Variants in INSL6 observed in about 807,000 individuals in gnomAD.
INSL6 encodes the protein insulin like 6.
A neutral mutation model predicts 9.4 loss-of-function variants in INSL6; 16 were observed. That is an observed-to-expected ratio of 1.70 (90% CI 1.15 to 2.59). The LOEUF is 2.59. Among genes scored for constraint, INSL6 ranks in the 30% most tolerant of loss-of-function variants. INSL6 has a pLI of 0.00. For synonymous variants in INSL6, 154 were observed against 96.9 expected, an observed-to-expected ratio of 1.59 and a Z score of -3.46; for missense variants, 391 against 257.3, an observed-to-expected ratio of 1.52 and a Z score of -3.56.
chr9:5,086,016 TA>T, the INSL6 span: 41 of 812,090 alleles, frequency 5.0e-5, no homozygotes, highest in Non-Finnish European at 8.1e-5. Flanking sequence ...TGATATACTA[TA>T]TACATTTGGA....
chr9:5,129,044 G>A (rs1038940686), intron 3 of INSL6, among the ~76,000 whole-genome samples: 4 of 151,934 alleles, frequency 2.6e-5, no homozygotes, highest in Non-Finnish European at 5.9e-5. Context: ...ATTTGCTATG[G>A]AAGAGTGTTC....
At chr9:5,146,145 G>C (rs534576077) in intron 2 of INSL6, among the ~76,000 whole-genome samples, 1 of 151,158 alleles carries the variant, frequency 6.6e-6, no homozygotes, top group Admixed American at 6.6e-5. Flanking sequence ...CCTTTTTGAT[G>C]ACCTTGAGTG....
At chr9:5,062,887 A>G in the INSL6 span, among the ~76,000 whole-genome samples, 1 of 152,114 alleles carries the variant, frequency 6.6e-6, no homozygotes, top group Non-Finnish European at 1.5e-5. Context: ...TTGCCTTTTC[A>G]TGTCCTTTGA....
the INSL6 span, among the ~76,000 whole-genome samples, chr9:5,105,847 A>G: frequency 6.6e-6 from 1 of 152,230 alleles, no homozygotes; most frequent in African/African-American, 2.4e-5. Flanking sequence ...TGCTGGGAAA[A>G]CTGGCTAGCC....
chr9:5,094,935 T>C, the INSL6 span: 1 of 152,178 alleles, frequency 6.6e-6, no homozygotes, highest in Non-Finnish European at 1.5e-5. Context: ...ATACCTTTTA[T>C]GAAAAAATTT....
At chr9:5,123,231 A>G (rs549941059), downstream of INSL6, 81 of 643,562 alleles carry the variant, frequency 1.3e-4, no homozygotes, top group African/African-American at 1.4e-3. Context: ...ATAGTGGTGA[A>G]GTCAGAGCTT....
intron 2 of INSL6, among the ~76,000 whole-genome samples, chr9:5,138,720 T>G (rs1044887086): frequency 8.9e-5 from 5 of 56,238 alleles, no homozygotes; most frequent in Non-Finnish European, 1.6e-4. Context: ...CCCCAGAACT[T>G]AAACTATAAT....
chr9:5,033,592 T>G, the INSL6 span, among the ~76,000 whole-genome samples: 3 of 152,184 alleles, frequency 2.0e-5, no homozygotes, highest in African/African-American at 7.2e-5. Context: ...TATTCAACAT[T>G]CTTAAAGAAA....
the INSL6 span, among the ~76,000 whole-genome samples, chr9:4,996,350 A>G: frequency 7.9e-4 from 120 of 152,296 alleles, no homozygotes; most frequent in African/African-American, 2.7e-3. Context: ...TGGGAGGCTG[A>G]GACAGGAGAA....
chr9:5,122,253 TACTC>T (rs1471999653), downstream of INSL6, among the ~76,000 whole-genome samples: 2 of 152,152 alleles, frequency 1.3e-5, no homozygotes, highest in African/African-American at 2.4e-5. Context: ...GGAACCATGA[TACTC>T]ACAGTCCACT....
the INSL6 span, among the ~76,000 whole-genome samples, chr9:5,117,273 G>A: frequency 1.3e-5 from 2 of 152,152 alleles, no homozygotes; most frequent in Non-Finnish European, 1.5e-5. Flanking sequence ...TGGACGCCCA[G>A]TACATCATGT....
At chr9:5,013,526 C>G in the INSL6 span, among the ~76,000 whole-genome samples, 1 of 152,306 alleles carries the variant, frequency 6.6e-6, no homozygotes, top group Admixed American at 6.5e-5. Flanking sequence ...AAGCACTGAC[C>G]TATCTGAACC....
intron 2 of INSL6, among the ~76,000 whole-genome samples, chr9:5,148,138 C>T (rs932046974): frequency 6.6e-6 from 1 of 152,130 alleles, no homozygotes; most frequent in Non-Finnish European, 1.5e-5. Flanking sequence ...AGTTTTTATG[C>T]TGATTCTTTC....
chr9:5,090,370 A>C, the INSL6 span: 1 of 1,077,844 alleles, frequency 9.3e-7, no homozygotes, highest in Non-Finnish European at 1.3e-6. Context: ...TAAGTCATTT[A>C]TGTATGATAG....
the INSL6 span, among the ~76,000 whole-genome samples, chr9:5,102,469 C>T: frequency 6.6e-6 from 1 of 152,218 alleles, no homozygotes; most frequent in East Asian, 1.9e-4. Context: ...AAACACTCTT[C>T]AGGATATTAT....
the INSL6 span, chr9:5,054,610 A>G: frequency 1.2e-6 from 2 of 1,612,276 alleles, no homozygotes; most frequent in East Asian, 2.2e-5. This position sits in a 1 kb window ranked among gnomAD's most constrained non-coding sequence, Gnocchi z 4.9. Context: ...ATCCAAGACT[A>G]TCATATTTTG....
chr9:5,162,020 A>G (rs1300162860), downstream of INSL6, among the ~76,000 whole-genome samples: 5 of 152,042 alleles, frequency 3.3e-5, no homozygotes, highest in East Asian at 9.6e-4. Context: ...TTGAGGGTGT[A>G]GTGAGCTGTG....
intron 1 of INSL6, among the ~76,000 whole-genome samples, chr9:5,170,827 C>T (rs1026686231): frequency 1.3e-5 from 2 of 152,104 alleles, no homozygotes; most frequent in Non-Finnish European, 2.9e-5. Context: ...ATAACAAGTT[C>T]TGAAATTGAG....
the INSL6 span, among the ~76,000 whole-genome samples, chr9:5,012,423 A>G: frequency 3.3e-5 from 5 of 152,168 alleles, no homozygotes; most frequent in African/African-American, 2.4e-5. Context: ...TTAGTGTAGT[A>G]TAAACTACTC....
Sources: gnomAD v4.1 joint callset for allele counts (sites outside exome capture counted in the v4.1 genomes callset) on GRCh38, gnomAD v4.1.1 for gene constraint, Gnocchi (gnomAD v3.1) non-coding constraint, MANE v1.5 for transcripts, NCBI Gene and HGNC (gene_info 2026-07-23, HGNC 2026-07-21) for gene names.